The following IPO5 variants were observed in gnomAD, a reference collection of about 807,000 sequenced individuals.
IPO5 encodes importin 5, also known as importin-5.
A neutral mutation model predicts 143.3 loss-of-function variants in IPO5; 18 were observed. That is an observed-to-expected ratio of 0.13 (90% CI 0.09 to 0.19). The LOEUF (loss-of-function observed/expected upper bound fraction) is 0.19, where lower values mean the gene tolerates loss of function less well. Ranked by LOEUF, IPO5 falls within the 10% of genes least tolerant of loss-of-function variation. The pLI, the probability that IPO5 is intolerant of heterozygous loss-of-function variation, is 1.00. For missense variants in IPO5, 1,013 were observed against 1,336.9 expected (o/e 0.76, Z 3.78); for synonymous variants, 477 against 465.7 (o/e 1.02, Z -0.31).
rs1217511551 is a variant in IPO5, at chr13:98,014,020, T to G, written c.2153-22T>G. ...TTAAGCAAAATAATAAACAGTCTTT[T>G]GAGGTTCCTTAACAATGAAACGTGT... is the stretch of plus-strand genomic sequence containing the variant. On this transcript the variant is annotated intron_variant, in intron 21 of 28. Transcript: ENST00000651721. The G allele has an allele frequency of 2.5e-6, 4 of 1,598,294 alleles. No individual in the cohort carries two copies. The South Asian group carries it at 3.4e-5, about 14-fold the overall frequency.
Position 98,008,054 on chromosome 13 carries a change from T to G in IPO5, c.1717-5T>G. 1.9e-6 allele frequency: 3 copies of G among 1,588,982 alleles called. No individual in the cohort carries two copies. Among genetic ancestry groups the G allele is most frequent in the Non-Finnish European group, 2.6e-6 (3 of 1,159,084 alleles). The stretch of plus-strand genomic sequence containing the variant: ...ACAAGTGTGTCTCTACATATTTTCC[T>G]CTAGTTCATGCAGGATGCATCAGAT... On this transcript the variant is annotated splice_region_variant and splice_polypyrimidine_tract_variant and intron_variant, in intron 17 of 28. Coordinates refer to ENST00000651721, the MANE Select transcript of IPO5 (RefSeq NM_002271.6).
At chr13:98,004,586 G>T (rs1249172933) in intron 16 of IPO5, among the ~76,000 whole-genome samples, 1 of 152,190 alleles carries the variant, frequency 6.6e-6, no homozygotes, top group Non-Finnish European at 1.5e-5. Context: ...TAAGTGGAAG[G>T]AGTTGTTGGG....
intron 5 of IPO5, among the ~76,000 whole-genome samples, chr13:97,983,194 A>G (rs1887002256): frequency 6.6e-6 from 1 of 152,226 alleles, no homozygotes; most frequent in Admixed American, 6.5e-5. Flanking sequence ...TTTTGCAGCT[A>G]AAAGTTTTCT....
chr13:97,959,001 G>A (rs1455174068), intron 2 of IPO5, among the ~76,000 whole-genome samples: 1 of 151,758 alleles, frequency 6.6e-6, no homozygotes, highest in African/African-American at 2.4e-5. Flanking sequence ...GTGAAACCTC[G>A]TCTCTACTAA....
chr13:97,977,848 A>AT (rs2139610421), intron 4 of IPO5, among the ~76,000 whole-genome samples: 1 of 152,314 alleles, frequency 6.6e-6, no homozygotes, highest in Non-Finnish European at 1.5e-5. Context: ...GTTTCATAAG[A>AT]TTAAGTGAAG....
At chr13:98,016,590 C>CTA (rs1890134675) in intron 24 of IPO5, 139 bp from the exon 25 acceptor site, 3 of 476,052 alleles carry the variant, frequency 6.3e-6, no homozygotes, top group Non-Finnish European at 1.1e-5. Flanking sequence ...ACTCCGGTCT[C>CTA]TAGACTCTTG....
At chr13:98,003,682 T>G (rs976265301) in intron 16 of IPO5, among the ~76,000 whole-genome samples, 1 of 151,912 alleles carries the variant, frequency 6.6e-6, no homozygotes, top group Non-Finnish European at 1.5e-5. Context: ...AAATCCCATC[T>G]CTCCTAAAAA....
chr13:98,011,985 G>C (rs1334813975), intron 20 of IPO5, among the ~76,000 whole-genome samples: 1 of 151,670 alleles, frequency 6.6e-6, no homozygotes, highest in Admixed American at 6.6e-5. Context: ...AATGATTCCA[G>C]CCTTTGAAGG....
chr13:97,991,839 G>A (rs898590002), intron 9 of IPO5, among the ~76,000 whole-genome samples: 12 of 152,214 alleles, frequency 7.9e-5, no homozygotes, highest in African/African-American at 2.7e-4. Flanking sequence ...AAATGTCTGG[G>A]ATTTGTAATA....
chr13:97,980,631 C>G (rs1288489973), intron 4 of IPO5, among the ~76,000 whole-genome samples: 1 of 151,518 alleles, frequency 6.6e-6, no homozygotes, highest in Non-Finnish European at 1.5e-5. Flanking sequence ...AGTTCAAGAC[C>G]AGCCTGGCCA....
chr13:98,019,937 A>T, intron 27 of IPO5, 128 bp downstream of exon 27: 1 of 612,528 alleles, frequency 1.6e-6, no homozygotes, highest in Non-Finnish European at 2.9e-6. Flanking sequence ...ATAGGTTTAT[A>T]ATAGTGCTGT....
intron 18 of IPO5, among the ~76,000 whole-genome samples, chr13:98,009,120 C>T (rs972243525): frequency 6.6e-6 from 1 of 152,132 alleles, no homozygotes; most frequent in African/African-American, 2.4e-5. Flanking sequence ...TATCAGCCAG[C>T]ATATAGTTTA....
chr13:97,972,443 G>A (rs1403565975), intron 3 of IPO5, among the ~76,000 whole-genome samples: 1 of 152,236 alleles, frequency 6.6e-6, no homozygotes, highest in Non-Finnish European at 1.5e-5. Flanking sequence ...AATAGGTCAT[G>A]CCCAGGCTGT....
chr13:97,985,699 A>G, intron 6 of IPO5, 86 bp downstream of exon 6: 1 of 871,670 alleles, frequency 1.1e-6, no homozygotes, highest in East Asian at 2.5e-5. Context: ...TTAGAGTAAG[A>G]TTCATAAGTA....
At chr13:97,990,365 G>T in intron 8 of IPO5, 68 bp from the exon 9 acceptor site, 1 of 1,285,510 alleles carries the variant, frequency 7.8e-7, no homozygotes, top group East Asian at 2.3e-5. Flanking sequence ...TTGATCTTGA[G>T]TAAGAAAACT....
chr13:97,992,851 A>G, intron 9 of IPO5, 41 bp from the exon 10 acceptor site: 1 of 1,574,030 alleles, frequency 6.4e-7, no homozygotes, highest in Non-Finnish European at 8.6e-7. Context: ...GGCATTATAA[A>G]GTGAATCTTC....
At chr13:98,021,545 A>G (rs1373163796) in intron 28 of IPO5, 191 bp from the exon 29 acceptor site, 2 of 416,934 alleles carry the variant, frequency 4.8e-6, no homozygotes, top group Non-Finnish European at 8.5e-6. Flanking sequence ...GCAAAAATGA[A>G]GAAAACTTAC....
At chr13:98,010,372 T>A in intron 20 of IPO5, 148 bp downstream of exon 20, 1 of 751,300 alleles carries the variant, frequency 1.3e-6, no homozygotes, top group Non-Finnish European at 2.1e-6. Context: ...TTTAAAGAAA[T>A]CGTATGGATA....
rs1480570031 is a variant in IPO5 at position 98,022,577 on chromosome 13, A to G, written c.*755A>G. The stretch of plus-strand genomic sequence containing the variant: ...CTAATATTTTTTTAAAGTAATAGCT[A>G]TCAGTAATAGCTGAGTGTTTTTTCC... On this transcript the variant is annotated 3_prime_UTR_variant, in exon 29 of 29. Transcript: ENST00000651721. The G allele has an allele frequency of 6.6e-6, 1 of 152,278 alleles. No homozygotes were observed. Among genetic ancestry groups the G allele is most frequent in the Non-Finnish European group, 1.5e-5 (1 of 68,050 alleles). 9.4% of individuals were successfully genotyped at this position (152,278 alleles called of 1,614,324 possible). A position where few individuals can be genotyped will look rare whatever the true frequency, so the allele number is the denominator to read the frequency against.
Sources: allele counts gnomAD v4.1 joint callset (sites outside exome capture counted in the v4.1 genomes callset), GRCh38; gene constraint gnomAD v4.1.1; transcripts MANE v1.5; gene names NCBI Gene and HGNC (gene_info 2026-07-23, HGNC 2026-07-21).